Variants in ADAMTS18 observed in about 807,000 individuals in gnomAD.
The protein encoded by ADAMTS18 is A disintegrin and metalloproteinase with thrombospondin motifs 18.
Under a neutral mutation model 165.9 loss-of-function variants are expected in ADAMTS18, and 157 were observed. The ratio of observed to expected loss-of-function variants is 0.95; its 90% CI spans 0.83 to 1.08. The LOEUF is 1.08. Ranked by LOEUF, ADAMTS18 falls within the 50% of genes least tolerant of loss-of-function variation. The pLI, the probability that ADAMTS18 is intolerant of heterozygous loss-of-function variation, is 0.00. For missense variants in ADAMTS18, 2,040 were observed against 1,534.0 expected (o/e 1.33, Z -5.51); for synonymous variants, 782 against 578.2 (o/e 1.35, Z -5.06).
rs772793929 is a variant in ADAMTS18 at position 77,319,972 on chromosome 16, G to T, written c.2409C>A (p.Gly803=). 26 of 1,614,066 alleles carry T rather than the reference G, an allele frequency of 1.6e-5. No individual in the cohort carries two copies. Among genetic ancestry groups the T allele is most frequent in the Admixed American group, 3.3e-5 (2 of 60,006 alleles). ...ACTCCCCAGGCCAGTCGATGCTCCA[G>T]CCCCCGGTGAGGTAATACTTTTGAC... The part of the protein sequence containing the change: ...SLSQKYYLTG[G]WSIDWPGEFP... Residue 803 remains glycine, a synonymous_variant, in exon 16 of 23, where the codon GGC becomes GGA. Transcript: ENST00000282849.
At chr16:77,401,859 C>T (rs2057336113) in intron 3 of ADAMTS18, among the ~76,000 whole-genome samples, 1 of 152,166 alleles carries the variant, frequency 6.6e-6, no homozygotes, top group African/African-American at 2.4e-5. Context: ...TGCCCTAGGA[C>T]ATCCACACTC....
intron 3 of ADAMTS18, among the ~76,000 whole-genome samples, chr16:77,378,507 G>T (rs2056986041): frequency 6.6e-6 from 1 of 152,082 alleles, no homozygotes; most frequent in Non-Finnish European, 1.5e-5. Flanking sequence ...TTGATGTCAG[G>T]AGTTTAAGAC....
intron 10 of ADAMTS18, among the ~76,000 whole-genome samples, chr16:77,344,588 G>T (rs1372800058): frequency 6.6e-6 from 1 of 152,072 alleles, no homozygotes; most frequent in East Asian, 1.9e-4. Context: ...TTACAGCCAG[G>T]AAAAAGCCAT....
rs73630433 is a variant in ADAMTS18, at chr16:77,283,132, C to G, written c.*824G>C. 3 of 152,398 alleles carry G rather than the reference C, an allele frequency of 2.0e-5. No individual in the cohort carries two copies. Among genetic ancestry groups the G allele is most frequent in the Non-Finnish European group, 4.4e-5 (3 of 67,998 alleles). The allele number at this position is 152,398 out of a possible 1,614,324, so 9.4% of individuals were successfully genotyped here. On this transcript the variant is annotated 3_prime_UTR_variant, in exon 23 of 23. Transcript: ENST00000282849. ...ACCAGAAATGGGTATGTAGCATTCC[C>G]AAAGAGCGGGCTGTAGCTTTTCATG...
At chr16:77,332,629 A>G (rs916679984) in intron 12 of ADAMTS18, among the ~76,000 whole-genome samples, 1 of 152,188 alleles carries the variant, frequency 6.6e-6, no homozygotes, top group African/African-American at 2.4e-5. Flanking sequence ...GGCTCTGTCT[A>G]CATCATTCTG....
intron 16 of ADAMTS18, among the ~76,000 whole-genome samples, chr16:77,317,942 A>T (rs569819747): frequency 2.6e-4 from 39 of 152,334 alleles, no homozygotes; most frequent in Admixed American, 5.9e-4. Context: ...TAATCTGACC[A>T]AAATACCCTG....
chr16:77,322,703 A>G (rs542949962), intron 13 of ADAMTS18, among the ~76,000 whole-genome samples: 48 of 152,318 alleles, frequency 3.2e-4, no homozygotes, highest in African/African-American at 1.2e-3. Context: ...TCTCATCCTT[A>G]GGGATAGTCA....
chr16:77,368,910 G>A (rs557496183), intron 3 of ADAMTS18, among the ~76,000 whole-genome samples: 1 of 152,332 alleles, frequency 6.6e-6, no homozygotes, highest in African/African-American at 2.4e-5. Flanking sequence ...CATTTACCAA[G>A]TTGATGGCAC....
intron 3 of ADAMTS18, among the ~76,000 whole-genome samples, chr16:77,423,642 C>CT (rs2057632844): frequency 1.3e-5 from 2 of 152,172 alleles, no homozygotes; most frequent in Admixed American, 6.5e-5. Context: ...ACTTCAGAGT[C>CT]TCAGTCCAAA....
Position 77,283,805 on chromosome 16 carries a change from A to T in ADAMTS18, c.*151T>A. The T allele has an allele frequency of 1.5e-6, 1 of 649,658 alleles. No individual in the cohort carries two copies. Among genetic ancestry groups the T allele is most frequent in the Non-Finnish European group, 2.8e-6 (1 of 362,492 alleles). The allele number at this position is 649,658 out of a possible 1,614,324, so 40.2% of individuals were successfully genotyped here. A position where few individuals can be genotyped will look rare whatever the true frequency, so the allele number is the denominator to read the frequency against. On this transcript the variant is annotated 3_prime_UTR_variant, in exon 23 of 23. Coordinates refer to ENST00000282849, the MANE Select transcript of ADAMTS18 (RefSeq NM_199355.4). The stretch of plus-strand genomic sequence containing the variant: ...GGAATTGAGCTAGAAGCCTACTGGC[A>T]ACCTGTCTGTTCCTCAGAGCAGGCT...
chr16:77,416,326 T>C (rs1178078808), intron 3 of ADAMTS18, among the ~76,000 whole-genome samples: 2 of 152,214 alleles, frequency 1.3e-5, no homozygotes, highest in Admixed American at 6.5e-5. Flanking sequence ...CAAGGGACTT[T>C]GTAGGCCATG....
At position 77,300,296 on chromosome 16, in the gene ADAMTS18, C is replaced by T. The variant is rs147244223; in HGVS notation, c.2641G>A (p.Val881Met). ...TKRPAYTWSI[V>M]QSECSVSCGG... ...CAGGAGACGGAGCACTCTGACTGCA[C>T]GATACTCCAGGTATAGGCAGGTCTT... The change falls in exon 17 of 23, where the codon GTG (valine) becomes ATG (methionine). Residue 881 changes from valine (V) to methionine (M), a missense_variant. Transcript: ENST00000282849. The T allele has an allele frequency of 1.1e-5, 18 of 1,614,084 alleles. No homozygotes were observed. Among genetic ancestry groups the T allele is most frequent in the African/African-American group, 4.0e-5 (3 of 75,024 alleles).
chr16:77,385,695 A>C lies in ADAMTS18; in HGVS notation c.496-17972T>G, dbSNP rs545271732. Among the ~76,000 whole-genome samples, 3 of 152,308 alleles carry C rather than the reference A, an allele frequency of 2.0e-5. No homozygotes were observed. In the South Asian group the frequency reaches 6.2e-4, roughly 32 times the overall value. On this transcript the variant is annotated intron_variant, in intron 3 of 22. Transcript: ENST00000282849. ...GTGATTAAGTACGCTACGTGGCATC[A>C]ACCCATTGGGCAGGTGCACAGTGGA...
chr16:77,309,290 T>C (rs1054373988), intron 16 of ADAMTS18, among the ~76,000 whole-genome samples: 4 of 152,160 alleles, frequency 2.6e-5, no homozygotes, highest in African/African-American at 9.7e-5. Context: ...CCAAGTCACT[T>C]ATATGCATAT....
At chr16:77,348,015 G>C (rs926975101) in intron 10 of ADAMTS18, among the ~76,000 whole-genome samples, 6 of 152,078 alleles carry the variant, frequency 3.9e-5, no homozygotes, top group African/African-American at 1.4e-4. Flanking sequence ...ATAAATATTA[G>C]TTATTATTAT....
At chr16:77,357,092 A>C (rs940116532) in intron 8 of ADAMTS18, among the ~76,000 whole-genome samples, 1 of 141,830 alleles carries the variant, frequency 7.1e-6, no homozygotes, top group East Asian at 2.6e-4. Flanking sequence ...AAAAGAATAA[A>C]ACTTGTGTCT....
chr16:77,302,348 T>TA (rs1395846191), intron 16 of ADAMTS18, among the ~76,000 whole-genome samples: 2 of 152,192 alleles, frequency 1.3e-5, no homozygotes, highest in Non-Finnish European at 2.9e-5. Flanking sequence ...GCCTTTTTTT[T>TA]ATGCAACAAA....
At position 77,295,060 on chromosome 16, in the gene ADAMTS18, G is replaced by A; in HGVS notation, c.2869C>T (p.Gln957Ter). The change falls in exon 19 of 23, where the codon CAG becomes TAG. Residue 957 changes from glutamine to a stop codon, truncating the protein, a stop_gained. Transcript: ENST00000282849. LOFTEE classifies it high-confidence loss of function. Reference protein sequence around the residue: ...CAGGQQSRKIQCVQKKPFQKE... With the variant: ...CAGGQQSRKI The stretch of plus-strand genomic sequence containing the variant: ...TGGAAGGGCTTCTTTTGCACACACT[G>A]GATCTTTCGGCTCTGCTGGCCTCCA... The A allele has an allele frequency of 6.2e-7, 1 of 1,614,166 alleles. No homozygotes were observed. Among genetic ancestry groups the A allele is most frequent in the Non-Finnish European group, 8.5e-7 (1 of 1,180,034 alleles).
intron 12 of ADAMTS18, among the ~76,000 whole-genome samples, chr16:77,334,734 A>ATAGTATATATACTGTATACTG (rs2056268055): frequency 8.7e-6 from 1 of 115,412 alleles, no homozygotes; most frequent in Non-Finnish European, 1.7e-5. Flanking sequence ...ACTATATACT[A>ATAGTATATATACTGTATACTG]TAGTATATAT....
Sources: allele counts gnomAD v4.1 joint callset (sites outside exome capture counted in the v4.1 genomes callset), GRCh38; gene constraint gnomAD v4.1.1; transcripts MANE v1.5; gene names NCBI Gene and HGNC (gene_info 2026-07-23, HGNC 2026-07-21).